The following SEMA6D variants were observed in gnomAD, a reference collection of about 807,000 sequenced individuals.
SEMA6D encodes the protein semaphorin 6D.
In SEMA6D, 35 loss-of-function variants were observed where a neutral mutation model predicts 106.6. The observed-to-expected ratio is 0.33, with a 90% CI of 0.25 to 0.44. SEMA6D has a LOEUF of 0.44. Ranked by LOEUF, SEMA6D falls within the 20% of genes least tolerant of loss-of-function variation. The pLI, the probability that SEMA6D is intolerant of heterozygous loss-of-function variation, is 1.00. For synonymous variants in SEMA6D, 499 were observed against 487.7 expected, an observed-to-expected ratio of 1.02 and a Z score of -0.31; for missense variants, 1,185 against 1,345.9, an observed-to-expected ratio of 0.88 and a Z score of 1.87.
intron 1 of SEMA6D, among the ~76,000 whole-genome samples, chr15:47,358,380 C>G (rs1203648682): frequency 1.3e-5 from 2 of 152,172 alleles, no homozygotes; most frequent in Non-Finnish European, 2.9e-5. Context: ...GTGCCTCCTT[C>G]CCAAGTTTAT....
intron 1 of SEMA6D, among the ~76,000 whole-genome samples, chr15:47,233,807 A>T (rs1403158454): frequency 6.6e-6 from 1 of 151,976 alleles, no homozygotes; most frequent in Non-Finnish European, 1.5e-5. Context: ...ATTAGCTCTA[A>T]CAACTTTGTG....
intron 3 of SEMA6D, among the ~76,000 whole-genome samples, chr15:47,476,715 GTTGT>G (rs1346267827): frequency 6.6e-6 from 1 of 152,094 alleles, no homozygotes; most frequent in Non-Finnish European, 1.5e-5. Flanking sequence ...AATTCAGTCC[GTTGT>G]TTGTTTCTCC....
At chr15:47,600,036 G>A (rs932788586) in intron 3 of SEMA6D, among the ~76,000 whole-genome samples, 1 of 151,830 alleles carries the variant, frequency 6.6e-6, no homozygotes, top group East Asian at 1.9e-4. Context: ...CTGGAGTATC[G>A]GTCAACCATA....
intron 15 of SEMA6D, 125 bp from the exon 16 acceptor site, chr15:47,766,490 GT>G (rs950321375): frequency 0.029 from 10,653 of 361,704 alleles, 102 homozygotes; most frequent in African/African-American, 0.1. Flanking sequence ...TTAAAATGTT[GT>G]TTTTTTTTTT....
intron 2 of SEMA6D, among the ~76,000 whole-genome samples, chr15:47,422,678 C>T (rs1051174722): frequency 6.6e-6 from 1 of 152,036 alleles, no homozygotes; most frequent in Non-Finnish European, 1.5e-5. Context: ...CCATTTGACT[C>T]CAGATGTTGG....
At chr15:47,717,832 CTGTGTGTGTGTGTGTGTGTGTGTGTG>C (rs71118194) in intron 1 of SEMA6D, 140 bp downstream of exon 1, 1 of 99,224 alleles carries the variant, frequency 1.0e-5, no homozygotes, top group Non-Finnish European at 1.9e-5. Context: ...TCCCGAATCG[CTGTGTGTGTGTGTGTGTGTGTGTGTG>C]TGTGTGTGTG....
chr15:47,758,375 T>C (rs2081882564), intron 1 of SEMA6D, among the ~76,000 whole-genome samples: 2 of 152,270 alleles, frequency 1.3e-5, no homozygotes, highest in South Asian at 2.1e-4. Context: ...TTCTTAGATA[T>C]GTAAGACTGA....
chr15:47,730,673 G>C, intron 1 of SEMA6D: 1 of 1,608,696 alleles, frequency 6.2e-7, no homozygotes. Flanking sequence ...GCTGTTTGGC[G>C]GTCCAGGGCC....
At chr15:47,607,121 G>A (rs111801434) in intron 4 of SEMA6D, among the ~76,000 whole-genome samples, 6,117 of 152,200 alleles carry the variant, frequency 0.04, 169 homozygotes, top group Admixed American at 0.057. Context: ...ATACCTTTTG[G>A]TGAAGGTGAG....
At chr15:47,392,987 A>C (rs2040090286) in intron 1 of SEMA6D, among the ~76,000 whole-genome samples, 1 of 152,220 alleles carries the variant, frequency 6.6e-6, no homozygotes, top group Admixed American at 6.5e-5. Flanking sequence ...AGAACACTGC[A>C]TTTCTGAATT....
At chr15:47,232,711 T>C (rs1316855964) in intron 1 of SEMA6D, among the ~76,000 whole-genome samples, 1 of 151,924 alleles carries the variant, frequency 6.6e-6, no homozygotes, top group African/African-American at 2.4e-5. Context: ...CATGTGCTTA[T>C]TTTCCATTCA....
intron 4 of SEMA6D, among the ~76,000 whole-genome samples, chr15:47,604,677 G>C (rs144322899): frequency 1.8e-4 from 27 of 152,242 alleles, no homozygotes; most frequent in African/African-American, 6.3e-4. Flanking sequence ...ATCCATCCTT[G>C]GTGGATTTTA....
chr15:47,223,606 C>G (rs1278804370), intron 1 of SEMA6D, among the ~76,000 whole-genome samples: 1 of 151,664 alleles, frequency 6.6e-6, no homozygotes, highest in Non-Finnish European at 1.5e-5. Context: ...TAGCCTTCAG[C>G]TTTGAAGAAG....
intron 4 of SEMA6D, among the ~76,000 whole-genome samples, chr15:47,690,850 G>C (rs1258706225): frequency 6.6e-6 from 1 of 152,114 alleles, no homozygotes; most frequent in East Asian, 1.9e-4. Context: ...AATATATATA[G>C]AGTCCCATGA....
intron 4 of SEMA6D, among the ~76,000 whole-genome samples, chr15:47,620,915 C>T (rs541314337): frequency 6.6e-6 from 1 of 152,082 alleles, no homozygotes; most frequent in South Asian, 2.1e-4. Flanking sequence ...GTGCATTCCA[C>T]CTGTGACCCA....
At chr15:47,733,534 C>G (rs1395418293) in intron 1 of SEMA6D, among the ~76,000 whole-genome samples, 2 of 152,174 alleles carry the variant, frequency 1.3e-5, no homozygotes, top group Non-Finnish European at 1.5e-5. Context: ...TAAGGGAAAG[C>G]AATAACCCTT....
chr15:47,251,050 A>T (rs2141925646), intron 1 of SEMA6D, among the ~76,000 whole-genome samples: 1 of 152,338 alleles, frequency 6.6e-6, no homozygotes, highest in Admixed American at 6.5e-5. Flanking sequence ...TCTGTCTTTG[A>T]GAGAGCAGCT....
intron 4 of SEMA6D, among the ~76,000 whole-genome samples, chr15:47,627,351 T>C (rs1013316491): frequency 8.5e-5 from 13 of 152,144 alleles, no homozygotes; most frequent in Admixed American, 4.6e-4. Context: ...TAAGCAAGAA[T>C]TATGGTGATG....
intron 1 of SEMA6D, among the ~76,000 whole-genome samples, chr15:47,373,720 A>G (rs1397464857): frequency 1.3e-5 from 2 of 152,184 alleles, no homozygotes; most frequent in Non-Finnish European, 2.9e-5. Context: ...CTACTGAACT[A>G]TTGTTATTGG....
Sources: gnomAD v4.1 joint callset for allele counts (sites outside exome capture counted in the v4.1 genomes callset) on GRCh38, gnomAD v4.1.1 for gene constraint, MANE v1.5 for transcripts, NCBI Gene and HGNC (gene_info 2026-07-23, HGNC 2026-07-21) for gene names.